Variants in EIF2B3 observed in about 807,000 individuals in gnomAD.
EIF2B3 encodes translation initiation factor eIF2B subunit gamma.
EIF2B3 carries 20 observed loss-of-function variants against 54.1 expected under a neutral mutation model. That is an observed-to-expected ratio of 0.37 (90% CI 0.26 to 0.54). The LOEUF (loss-of-function observed/expected upper bound fraction) is 0.54. Ranked by LOEUF, EIF2B3 falls within the 20% of genes least tolerant of loss-of-function variation. EIF2B3 has a pLI of 0.86. For synonymous variants in EIF2B3, 153 were observed against 188.1 expected (o/e 0.81, Z 1.52); for missense variants, 448 against 547.8 (o/e 0.82, Z 1.82).
At chr1:44,880,123 C>T (rs1655342708) in intron 7 of EIF2B3, 115 bp from the exon 8 acceptor site, 1 of 1,163,894 alleles carries the variant, frequency 8.6e-7, no homozygotes, top group Admixed American at 2.0e-5. Flanking sequence ...GCTATGTTGC[C>T]TAGGCTGGTC....
chr1:44,956,176 A>G (rs989087314), intron 3 of EIF2B3, among the ~76,000 whole-genome samples: 1 of 152,218 alleles, frequency 6.6e-6, no homozygotes, highest in Non-Finnish European at 1.5e-5. Context: ...ATGGAATACT[A>G]TGCAGCCATA....
intron 10 of EIF2B3, 63 bp from the exon 11 acceptor site, chr1:44,857,870 G>C: frequency 6.6e-7 from 1 of 1,525,102 alleles, no homozygotes. Flanking sequence ...CATTACTATT[G>C]GTTGGGGGTT....
intron 5 of EIF2B3, among the ~76,000 whole-genome samples, chr1:44,901,920 A>G (rs1367919681): frequency 2.0e-5 from 3 of 152,150 alleles, no homozygotes; most frequent in Non-Finnish European, 4.4e-5. Flanking sequence ...AATAAAATCT[A>G]TACAACTCTT....
At position 44,937,827 on chromosome 1, in the gene EIF2B3, T is replaced by C. The variant is rs559588903; in HGVS notation, c.454+3679A>G. ...TGAACCCGGGAGGCGGAGCTTGCAG[T>C]GAGCCGAGATCGCGCCACTGCACTC... is the stretch of plus-strand genomic sequence containing the variant. On this transcript the variant is annotated intron_variant, in intron 4 of 11. Coordinates refer to ENST00000360403, the MANE Select transcript of EIF2B3 (RefSeq NM_020365.5). Among the ~76,000 whole-genome samples, 6 of 127,038 alleles carry C rather than the reference T, an allele frequency of 4.7e-5. No individual in the cohort carries two copies. In the Admixed American group the frequency reaches 5.4e-4, roughly 11 times the overall value. 83.3% of individuals were successfully genotyped at this position (127,038 alleles called of 152,430 possible). A position where few individuals can be genotyped will look rare whatever the true frequency, so the allele number is the denominator to read the frequency against.
chr1:44,859,067 G>C (rs1654528687), intron 10 of EIF2B3, among the ~76,000 whole-genome samples: 1 of 152,194 alleles, frequency 6.6e-6, no homozygotes, highest in Non-Finnish European at 1.5e-5. Context: ...GGGAGGCCGA[G>C]GTGGAAGGAT....
At chr1:44,943,176 TATTTTTAAATTAAAAAAAAAATA>T (rs1644056574) in intron 3 of EIF2B3, among the ~76,000 whole-genome samples, 1 of 150,730 alleles carries the variant, frequency 6.6e-6, no homozygotes, top group South Asian at 2.1e-4. Flanking sequence ...ATTTTAATTT[TATTTTTAAATTAAAAAAAAAATA>T]GAGACAGGGT....
At chr1:44,905,160 G>A (rs1305799307) in intron 5 of EIF2B3, among the ~76,000 whole-genome samples, 2 of 152,172 alleles carry the variant, frequency 1.3e-5, no homozygotes, top group Non-Finnish European at 2.9e-5. Flanking sequence ...GAGTGCATAT[G>A]GAGTTATCAA....
intron 5 of EIF2B3, among the ~76,000 whole-genome samples, chr1:44,901,323 C>A (rs189057752): frequency 9.1e-4 from 138 of 152,218 alleles, no homozygotes; most frequent in African/African-American, 3.2e-3. Flanking sequence ...GCCATGTTGG[C>A]CAGGCTGGTC....
intron 5 of EIF2B3, among the ~76,000 whole-genome samples, chr1:44,923,650 C>T (rs868036208): frequency 6.1e-5 from 7 of 114,674 alleles, no homozygotes; most frequent in Middle Eastern, 3.8e-3. Flanking sequence ...ATGTTTTCTT[C>T]TCTCCATTTC....
At chr1:44,932,533 G>T (rs1397192196) in intron 4 of EIF2B3, 1 of 152,100 alleles carries the variant, frequency 6.6e-6, no homozygotes, top group African/African-American at 2.4e-5. Flanking sequence ...ACAACCTGGT[G>T]ACTAGTTAGT....
chr1:44,873,048 T>C (rs1258146491), intron 10 of EIF2B3, among the ~76,000 whole-genome samples: 1 of 152,198 alleles, frequency 6.6e-6, no homozygotes, highest in African/African-American at 2.4e-5. Context: ...TCATTGGCTA[T>C]AGTGGAATAA....
In EIF2B3 at chr1:44,946,738, C is replaced by T. The variant is rs117626457; in HGVS notation, c.295-5073G>A. ...TCAGCCTCCCAAAGTGCTGGAATTA[C>T]AGGCATAAGCCACTGAGCCTGGCCT... On this transcript the variant is annotated intron_variant, in intron 3 of 11. Transcript: ENST00000360403. 4.3e-3 allele frequency among the ~76,000 whole-genome samples: 652 copies of T among 151,242 alleles called. 2 individuals carry two copies. The highest frequency in any genetic ancestry group is 8.6e-3 in the East Asian group (44 of 5,128).
chr1:44,877,094 A>G (rs1393519704), intron 8 of EIF2B3, among the ~76,000 whole-genome samples: 1 of 147,220 alleles, frequency 6.8e-6, no homozygotes, highest in Non-Finnish European at 1.5e-5. Flanking sequence ...GGAAAACCAG[A>G]GACCTTTGTT....
At chr1:44,861,632 G>C (rs1654611467) in intron 10 of EIF2B3, among the ~76,000 whole-genome samples, 1 of 152,212 alleles carries the variant, frequency 6.6e-6, no homozygotes, top group East Asian at 1.9e-4. Context: ...TAGTGGATCT[G>C]ATTGGGGTCT....
chr1:44,928,645 T>C (rs886249088), intron 4 of EIF2B3, among the ~76,000 whole-genome samples: 6 of 152,154 alleles, frequency 3.9e-5, no homozygotes, highest in African/African-American at 1.4e-4. Flanking sequence ...GTATAGTCTA[T>C]ATTTTATTAT....
At chr1:44,978,765 T>C (rs937977338) in intron 2 of EIF2B3, among the ~76,000 whole-genome samples, 3 of 150,114 alleles carry the variant, frequency 2.0e-5, no homozygotes, top group Admixed American at 6.7e-5. Flanking sequence ...GCCTCCCAAG[T>C]AGCTGAGACT....
chr1:44,956,081 A>G (rs777189090), intron 3 of EIF2B3, among the ~76,000 whole-genome samples: 19 of 152,208 alleles, frequency 1.2e-4, no homozygotes, highest in Non-Finnish European at 2.1e-4. Flanking sequence ...TTACTGCGGC[A>G]CTGTTCACAA....
intron 3 of EIF2B3, among the ~76,000 whole-genome samples, chr1:44,956,620 G>A (rs1049554295): frequency 6.6e-6 from 1 of 151,982 alleles, no homozygotes; most frequent in Non-Finnish European, 1.5e-5. Context: ...AGATCTTATG[G>A]CTATATATAC....
intron 10 of EIF2B3, among the ~76,000 whole-genome samples, chr1:44,869,754 C>T (rs532758581): frequency 6.6e-6 from 1 of 151,786 alleles, no homozygotes; most frequent in South Asian, 2.1e-4. Context: ...GCGCGAGCCA[C>T]CACGCCTGGC....
Sources: gnomAD v4.1 joint callset for allele counts (sites outside exome capture counted in the v4.1 genomes callset) on GRCh38, gnomAD v4.1.1 for gene constraint, MANE v1.5 for transcripts, NCBI Gene and HGNC (gene_info 2026-07-23, HGNC 2026-07-21) for gene names.